The following HMGN5 variants were observed in gnomAD, a reference collection of about 807,000 sequenced individuals.
The protein encoded by HMGN5 is high mobility group nucleosome binding domain 5.
A neutral mutation model predicts 9.5 loss-of-function variants in HMGN5; 4 were observed. That is an observed-to-expected ratio of 0.42 (90% CI 0.21 to 0.96). The LOEUF (loss-of-function observed/expected upper bound fraction) is 0.96, where lower values mean the gene tolerates loss of function less well. HMGN5 is among the 40% of genes least tolerant of loss of function. The pLI, the probability that HMGN5 is intolerant of heterozygous loss-of-function variation, is 0.30. For synonymous variants in HMGN5, 55 were observed against 57.1 expected (o/e 0.96, Z 0.16); for missense variants, 192 against 187.5 (o/e 1.02, Z -0.14).
At chrX:81,147,893 G>A (rs1335199667) in intron 1 of HMGN5, among the ~76,000 whole-genome samples, 1 of 111,350 alleles carries the variant, frequency 9.0e-6, no homozygotes, top group Admixed American at 9.6e-5. Flanking sequence ...TTGCTACAAA[G>A]AGAATAAAAT....
chrX:81,183,205 C>T (rs1220050026), intron 1 of HMGN5, among the ~76,000 whole-genome samples: 1 of 111,751 alleles, frequency 8.9e-6, no homozygotes, highest in African/African-American at 3.3e-5. Flanking sequence ...AAAGAAAAGG[C>T]CATTTTCAGA....
intron 1 of HMGN5, among the ~76,000 whole-genome samples, chrX:81,149,363 C>A (rs746805867): frequency 7.2e-5 from 8 of 111,479 alleles, no homozygotes; most frequent in African/African-American, 2.3e-4. Context: ...TCATTCTCAG[C>A]AAACTAACAC....
In HMGN5 at chrX:81,118,423, A is replaced by C; in HGVS notation, c.129+9T>G. 1.8e-6 allele frequency: 2 copies of C among 1,127,359 alleles called. No individual in the cohort carries two copies. Among genetic ancestry groups the C allele is most frequent in the East Asian group, 6.1e-5 (2 of 32,761 alleles). The allele number at this position is 1,127,359 out of a possible 1,213,427, so 92.9% of individuals were successfully genotyped here. On this transcript the variant is annotated intron_variant, in intron 5 of 6. Transcript: ENST00000358130. ...AAATTTATTTCAATATTCTACGTTG[A>C]ATATTTACCCTTGAACTTGATGTTC...
intron 1 of HMGN5, among the ~76,000 whole-genome samples, chrX:81,122,711 A>G (rs1017211095): frequency 9.8e-5 from 11 of 112,085 alleles, no homozygotes; most frequent in South Asian, 3.7e-4. Context: ...AATTTTTGCC[A>G]AAGGAGAATG....
chrX:81,187,075 T>C (rs1462739475), intron 1 of HMGN5, among the ~76,000 whole-genome samples: 1 of 112,024 alleles, frequency 8.9e-6, no homozygotes, highest in Non-Finnish European at 1.9e-5. Flanking sequence ...TGATATTATT[T>C]CAATATTTTT....
intron 1 of HMGN5, among the ~76,000 whole-genome samples, chrX:81,162,067 C>A (rs1174937394): frequency 2.7e-5 from 3 of 111,006 alleles, no homozygotes; most frequent in Admixed American, 9.7e-5. Flanking sequence ...CTCCTAGAAC[C>A]TTTCAGACAG....
chrX:81,187,962 A>G (rs1365281665), intron 1 of HMGN5, among the ~76,000 whole-genome samples: 1 of 111,699 alleles, frequency 9.0e-6, no homozygotes, highest in Admixed American at 9.5e-5. Context: ...ACACTGTTTG[A>G]ATAAAAAACC....
chrX:81,130,252 A>C (rs982345453), intron 1 of HMGN5, among the ~76,000 whole-genome samples: 8 of 111,280 alleles, frequency 7.2e-5, no homozygotes, highest in African/African-American at 2.6e-4. Context: ...TTTTTCTCTT[A>C]GGCTAGACCT....
At chrX:81,135,828 G>T (rs1037937579) in intron 1 of HMGN5, among the ~76,000 whole-genome samples, 4 of 111,321 alleles carry the variant, frequency 3.6e-5, no homozygotes, top group Non-Finnish European at 7.6e-5. Flanking sequence ...TAATGCCATT[G>T]TAACCATGTT....
At chrX:81,177,359 A>T (rs2075445398) in intron 1 of HMGN5, among the ~76,000 whole-genome samples, 1 of 92,704 alleles carries the variant, frequency 1.1e-5, no homozygotes, top group African/African-American at 4.0e-5. Context: ...TACCAAGCAA[A>T]TGGAAAGCAA....
At chrX:81,151,397 G>T (rs1235937630) in intron 1 of HMGN5, among the ~76,000 whole-genome samples, 1 of 111,400 alleles carries the variant, frequency 9.0e-6, no homozygotes, top group South Asian at 3.8e-4. Context: ...CTCCAGCTTT[G>T]TTCTTTTGGC....
intron 1 of HMGN5, among the ~76,000 whole-genome samples, chrX:81,181,659 T>C (rs937847099): frequency 9.0e-6 from 1 of 111,606 alleles, no homozygotes; most frequent in Admixed American, 9.6e-5. Flanking sequence ...AGTTCAATTG[T>C]TTTAATTTTT....
chrX:81,201,797 G>A lies in HMGN5; in HGVS notation c.-184C>T. On this transcript the variant is annotated 5_prime_UTR_variant, in exon 1 of 7. Coordinates refer to ENST00000358130, the MANE Select transcript of HMGN5 (RefSeq NM_030763.3). Reference sequence around the variant, plus strand: ...TATATTTCTGAGCAGGAAGTTATGCGCAGTACTTTTAGTCTCCGCGTGAAA... The same window carrying A: ...TATATTTCTGAGCAGGAAGTTATGCACAGTACTTTTAGTCTCCGCGTGAAA... 1 of 154,365 alleles carries A rather than the reference G, an allele frequency of 6.5e-6. No homozygotes were observed. Among genetic ancestry groups the A allele is most frequent in the Non-Finnish European group, 1.2e-5 (1 of 80,016 alleles). The allele number at this position is 154,365 out of a possible 1,213,427, so 12.7% of individuals were successfully genotyped here. A position where few individuals can be genotyped will look rare whatever the true frequency, so the allele number is the denominator to read the frequency against.
chrX:81,166,371 T>G (rs2147631118), intron 1 of HMGN5, among the ~76,000 whole-genome samples: 1 of 111,810 alleles, frequency 8.9e-6, no homozygotes, highest in South Asian at 3.7e-4. Flanking sequence ...ACTACATATG[T>G]ATACTTTCTA....
At chrX:81,170,916 A>G (rs1381988328) in intron 1 of HMGN5, among the ~76,000 whole-genome samples, 1 of 109,560 alleles carries the variant, frequency 9.1e-6, no homozygotes, top group Non-Finnish European at 1.9e-5. Context: ...AGAGATTGTG[A>G]CTCTCTGAGT....
intron 1 of HMGN5, among the ~76,000 whole-genome samples, chrX:81,163,297 A>G (rs2075402625): frequency 8.9e-6 from 1 of 112,280 alleles, no homozygotes. Flanking sequence ...GTGGAGCACA[A>G]ACAATCCATC....
intron 1 of HMGN5, among the ~76,000 whole-genome samples, chrX:81,151,361 T>C (rs940020392): frequency 1.8e-5 from 2 of 111,652 alleles, no homozygotes; most frequent in African/African-American, 6.5e-5. Context: ...CCTTGTAGTA[T>C]AGTTTGAAGT....
intron 3 of HMGN5, among the ~76,000 whole-genome samples, chrX:81,119,523 G>C (rs1000402966): frequency 1.2e-4 from 13 of 111,396 alleles, no homozygotes; most frequent in African/African-American, 4.2e-4. Flanking sequence ...TAAAATATTA[G>C]CACATCTCTA....
chrX:81,199,604 C>G (rs2075519360), intron 1 of HMGN5, among the ~76,000 whole-genome samples: 1 of 111,866 alleles, frequency 8.9e-6, no homozygotes, highest in Admixed American at 9.4e-5. Context: ...CTTTGACAAA[C>G]CTGACAAAAA....
Sources: allele counts gnomAD v4.1 joint callset (sites outside exome capture counted in the v4.1 genomes callset), GRCh38; gene constraint gnomAD v4.1.1; transcripts MANE v1.5; gene names NCBI Gene and HGNC (gene_info 2026-07-23, HGNC 2026-07-21).